The following MYO1H variants were observed in gnomAD, a reference collection of about 807,000 sequenced individuals.
MYO1H encodes myosin IH, also known as unconventional myosin-Ih.
A neutral mutation model predicts 149.3 loss-of-function variants in MYO1H; 118 were observed. That is an observed-to-expected ratio of 0.79 (90% CI 0.68 to 0.92). The LOEUF (loss-of-function observed/expected upper bound fraction) is 0.92, where lower values mean the gene tolerates loss of function less well. MYO1H is among the 40% of genes least tolerant of loss of function. MYO1H has a pLI of 0.00. For synonymous variants in MYO1H, 447 were observed against 465.2 expected, an observed-to-expected ratio of 0.96 and a Z score of 0.50; for missense variants, 1,212 against 1,280.7, an observed-to-expected ratio of 0.95 and a Z score of 0.82.
chr12:109,393,428 T>C, exon 3 of MYO1H: 2 of 1,581,576 alleles, frequency 1.3e-6, no homozygotes, highest in South Asian at 1.2e-5. Flanking sequence ...GTCAATTTCT[T>C]TGAACTGCCA....
chr12:109,351,727 C>A (rs1351192701), intron 1 of MYO1H, among the ~76,000 whole-genome samples: 3 of 152,096 alleles, frequency 2.0e-5, no homozygotes, highest in Non-Finnish European at 4.4e-5. Flanking sequence ...CATTTATGTC[C>A]CTGTTAGAGT....
chr12:109,346,929 T>C (rs1002585265), upstream of MYO1H, among the ~76,000 whole-genome samples: 1 of 152,160 alleles, frequency 6.6e-6, no homozygotes. Context: ...TTTAAAAAAG[T>C]CAATTGATCA....
intron 18 of MYO1H, 33 bp downstream of exon 18, chr12:109,426,084 G>A (rs759537565): frequency 1.3e-5 from 20 of 1,539,358 alleles, no homozygotes; most frequent in African/African-American, 4.1e-5. Flanking sequence ...CTGGGCTCAG[G>A]GAAAGGAGGC....
At chr12:109,396,825 T>G (rs191639801) in intron 4 of MYO1H, among the ~76,000 whole-genome samples, 1,602 of 125,962 alleles carry the variant, frequency 0.013, 78 homozygotes, top group African/African-American at 0.046. Flanking sequence ...TTTTTTTTTT[T>G]TTTTTTTTTT....
chr12:109,396,827 T>TG lies in MYO1H; in HGVS notation c.489+245_489+246insG, dbSNP rs1229529368. On this transcript the variant is annotated intron_variant, in intron 4 of 31. Coordinates refer to ENST00000310903, the Ensembl canonical transcript of MYO1H. Reference sequence around the variant, plus strand: ...TGTTTTGGTTTCGTTTTTTTTTTTTTTTTTTTTTTTTTTTTTTGAGACGGA... The same window carrying TG: ...TGTTTTGGTTTCGTTTTTTTTTTTTTGTTTTTTTTTTTTTTTTTGAGACGGA... 1.7e-3 allele frequency among the ~76,000 whole-genome samples: 210 copies of TG among 126,562 alleles called. 3 individuals carry two copies. Among genetic ancestry groups the TG allele is most frequent in the African/African-American group, 5.1e-3 (170 of 33,192 alleles). 83.0% of individuals were successfully genotyped at this position (126,562 alleles called of 152,430 possible). A position where few individuals can be genotyped will look rare whatever the true frequency, so the allele number is the denominator to read the frequency against.
At chr12:109,439,570 G>A in intron 23 of MYO1H, 61 bp from the exon 24 acceptor site, 1 of 1,517,938 alleles carries the variant, frequency 6.6e-7, no homozygotes. Context: ...GAAGGGGGAA[G>A]AGAATGTAAA....
chr12:109,428,528 T>A (rs1280915597), intron 19 of MYO1H, among the ~76,000 whole-genome samples: 2 of 152,208 alleles, frequency 1.3e-5, no homozygotes, highest in African/African-American at 4.8e-5. Context: ...TCTTCAATGA[T>A]GGGCTGTGTG....
At chr12:109,411,845 T>C (rs1246771737) in intron 13 of MYO1H, 49 bp from the exon 14 acceptor site, 2 of 1,350,204 alleles carry the variant, frequency 1.5e-6, no homozygotes, top group African/African-American at 1.5e-5. Flanking sequence ...AAACTTGGCA[T>C]TGATGGAGTG....
chr12:109,431,327 T>C (rs1177308566), intron 19 of MYO1H, among the ~76,000 whole-genome samples: 1 of 147,708 alleles, frequency 6.8e-6, no homozygotes, highest in Admixed American at 6.7e-5. Flanking sequence ...TTGCAGTGAG[T>C]GGAGATTGTG....
At chr12:109,393,546 T>A (rs7958687) in intron 3 of MYO1H, 100 bp downstream of exon 3, 9,321 of 456,016 alleles carry the variant, frequency 0.02, 493 homozygotes, top group Admixed American at 0.029. Context: ...CATTCATCCA[T>A]CCATCCATCC....
At chr12:109,332,003 A>G in the MYO1H span, among the ~76,000 whole-genome samples, 211 of 152,284 alleles carry the variant, frequency 1.4e-3, no homozygotes, top group African/African-American at 4.8e-3. Flanking sequence ...GAGCACGGGA[A>G]TAATGTTATA....
At chr12:109,347,782 T>C (rs1374879635), upstream of MYO1H, 1 of 392,388 alleles carries the variant, frequency 2.5e-6, no homozygotes, top group Non-Finnish European at 4.5e-6. Flanking sequence ...TAGACGGCCA[T>C]AAGATGCAGT....
chr12:109,420,958 A>C (rs1342249884), intron 15 of MYO1H, 23 bp from the exon 16 acceptor site: 1 of 1,415,288 alleles, frequency 7.1e-7, no homozygotes, highest in Non-Finnish European at 9.9e-7. Flanking sequence ...TGATTCAAAA[A>C]ATTTTTCTTC....
chr12:109,341,454 C>T, the MYO1H span, among the ~76,000 whole-genome samples: 1 of 152,036 alleles, frequency 6.6e-6, no homozygotes, highest in African/African-American at 2.4e-5. Flanking sequence ...AAATGAAGAC[C>T]AACAAAATGA....
chr12:109,438,478 C>T, intron 22 of MYO1H, 58 bp from the exon 23 acceptor site: 1 of 1,370,776 alleles, frequency 7.3e-7, no homozygotes, highest in Non-Finnish European at 1.0e-6. Context: ...CTGGAAAAGC[C>T]TTCTGTATTT....
exon 28 of MYO1H, chr12:109,443,528 C>T: frequency 6.2e-7 from 1 of 1,613,720 alleles, no homozygotes; most frequent in Non-Finnish European, 8.5e-7. Context: ...GTGTCCCGGT[C>T]ATTAAATATG....
chr12:109,329,221 T>C, the MYO1H span, among the ~76,000 whole-genome samples: 1 of 152,304 alleles, frequency 6.6e-6, no homozygotes, highest in South Asian at 2.1e-4. Context: ...TGTGGCCCAC[T>C]GCTTGTTTTT....
At chr12:109,374,306 A>G (rs549003935) in intron 1 of MYO1H, among the ~76,000 whole-genome samples, 10 of 152,292 alleles carry the variant, frequency 6.6e-5, no homozygotes, top group African/African-American at 2.4e-4. Context: ...GACATGTACT[A>G]GCTATGTGGC....
intron 16 of MYO1H, among the ~76,000 whole-genome samples, chr12:109,421,763 C>T (rs892487757): frequency 1.3e-5 from 2 of 152,072 alleles, no homozygotes; most frequent in Non-Finnish European, 1.5e-5. Context: ...CCAGGGCTGC[C>T]GACGGAATTC....
Sources: gnomAD v4.1 joint callset for allele counts (sites outside exome capture counted in the v4.1 genomes callset) on GRCh38, gnomAD v4.1.1 for gene constraint, MANE v1.5 for transcripts, NCBI Gene and HGNC (gene_info 2026-07-23, HGNC 2026-07-21) for gene names.